Variants in CKAP5 observed in about 807,000 individuals in gnomAD.
The protein encoded by CKAP5 is cytoskeleton associated protein 5, also known as cytoskeleton-associated protein 5.
In CKAP5, 27 loss-of-function variants were observed where a neutral mutation model predicts 232.8. The observed-to-expected ratio is 0.12, with a 90% CI of 0.09 to 0.16. The LOEUF is 0.16. Among genes scored for constraint, CKAP5 ranks in the 10% least tolerant of loss-of-function variants. The pLI, the probability that CKAP5 is intolerant of heterozygous loss-of-function variation, is 1.00. For missense variants in CKAP5, 1,838 were observed against 2,424.7 expected (o/e 0.76, Z 5.08); for synonymous variants, 785 against 841.1 (o/e 0.93, Z 1.16).
rs1384147522 is a variant in CKAP5 at position 46,778,351 on chromosome 11, A to G, written c.2574-38T>C. On this transcript the variant is annotated intron_variant, in intron 21 of 43. Transcript: ENST00000529230. Reference sequence around the variant, plus strand: ...AAATAACCTTTAATTCCAGACTCCAAAAAAATGATGATATCACGTTAAGTT... The same window carrying G: ...AAATAACCTTTAATTCCAGACTCCAGAAAAATGATGATATCACGTTAAGTT... 3 of 1,604,712 alleles carry G rather than the reference A, an allele frequency of 1.9e-6. No homozygotes were observed. The Admixed American group carries it at 5.1e-5, about 27-fold the overall frequency.
intron 2 of CKAP5, among the ~76,000 whole-genome samples, chr11:46,819,940 A>C (rs1328586006): frequency 6.6e-6 from 1 of 152,128 alleles, no homozygotes; most frequent in East Asian, 1.9e-4. Flanking sequence ...AGTGTTCCCT[A>C]AACAGATTTA....
In CKAP5 at chr11:46,792,786, G is replaced by C. The variant is rs142858395; in HGVS notation, c.1651-2203C>G. On this transcript the variant is annotated intron_variant, in intron 13 of 43. Coordinates refer to ENST00000529230, the MANE Select transcript of CKAP5 (RefSeq NM_001008938.4). ...AACATGGAAGGGTTTAAAGAGGTAA[G>C]AGGCAAGTGGGTTACAGCAAGAAAA... 6.0e-3 allele frequency among the ~76,000 whole-genome samples: 912 copies of C among 152,252 alleles called. 7 individuals are homozygous for C. Among genetic ancestry groups the C allele is most frequent in the African/African-American group, 0.021 (878 of 41,534 alleles).
intron 11 of CKAP5, 26 bp from the exon 12 acceptor site, chr11:46,796,966 A>G (rs373067845): frequency 7.4e-5 from 119 of 1,611,726 alleles, no homozygotes; most frequent in Admixed American, 1.0e-4. Context: ...AAGCAAAATG[A>G]TATTAATGCA....
In CKAP5 at chr11:46,844,208, C is replaced by A. The variant is rs2134730494; in HGVS notation, c.-38+2012G>T. Among the ~76,000 whole-genome samples, 3 of 143,556 alleles carry A rather than the reference C, an allele frequency of 2.1e-5. No homozygotes were observed. The Middle Eastern group carries it at 0.011, about 509-fold the overall frequency. 94.2% of individuals were successfully genotyped at this position (143,556 alleles called of 152,430 possible). Reference sequence around the variant, plus strand: ...CTGCACTCTAGCCTGGGCGAAAGAGCAAGACTCTGTCTTAAAAAAAAAAAA... The same window carrying A: ...CTGCACTCTAGCCTGGGCGAAAGAGAAAGACTCTGTCTTAAAAAAAAAAAA... On this transcript the variant is annotated intron_variant, in intron 1 of 43. Transcript: ENST00000529230.
chr11:46,784,595 A>G lies in CKAP5; in HGVS notation c.2047T>C (p.Leu683=). Residue 683 remains leucine (L), a synonymous_variant, in exon 17 of 44, where the codon TTA becomes CTA. Transcript: ENST00000529230. The part of the protein sequence containing the change: ...NFSKTSAQVV[L]DGLVDKIGDV... ...CCAATCTTGTCCACAAGGCCATCTAATACAACCTGAGCTGACGTTTTGGAA... is the reference window on the plus strand; with the variant it reads ...CCAATCTTGTCCACAAGGCCATCTAGTACAACCTGAGCTGACGTTTTGGAA... The G allele has an allele frequency of 6.2e-7, 1 of 1,614,108 alleles. No individual in the cohort carries two copies. Among genetic ancestry groups the G allele is most frequent in the African/African-American group, 1.3e-5 (1 of 75,036 alleles).
At chr11:46,812,240 A>G (rs1939290113) in intron 4 of CKAP5, among the ~76,000 whole-genome samples, 2 of 152,268 alleles carry the variant, frequency 1.3e-5, no homozygotes, top group Admixed American at 6.5e-5. Flanking sequence ...CTGAGGTGGA[A>G]GAATCGCTTG....
intron 13 of CKAP5, among the ~76,000 whole-genome samples, chr11:46,792,252 T>G (rs1938746994): frequency 6.6e-6 from 1 of 152,186 alleles, no homozygotes; most frequent in Non-Finnish European, 1.5e-5. Flanking sequence ...TTTTATTTAT[T>G]AATTGACAGA....
chr11:46,823,296 T>C (rs1939585377), intron 1 of CKAP5, among the ~76,000 whole-genome samples: 1 of 152,150 alleles, frequency 6.6e-6, no homozygotes, highest in African/African-American at 2.4e-5. Flanking sequence ...GTGTGTAAAC[T>C]GCAGAAAATT....
chr11:46,839,209 G>A lies in CKAP5; in HGVS notation c.-38+7011C>T, dbSNP rs113899056. Reference sequence around the variant, plus strand: ...GAGCTCAGAAAAGTGTCTCTTTAAGGAGATGACATTTAAGTTGAAGCCTGA... The same window carrying A: ...GAGCTCAGAAAAGTGTCTCTTTAAGAAGATGACATTTAAGTTGAAGCCTGA... On this transcript the variant is annotated intron_variant, in intron 1 of 43. Transcript: ENST00000529230. Among the ~76,000 whole-genome samples, 789 of 152,312 alleles carry A rather than the reference G, an allele frequency of 5.2e-3. 10 individuals carry two copies. The highest frequency in any genetic ancestry group is 0.018 in the African/African-American group (738 of 41,556).
intron 13 of CKAP5, 126 bp from the exon 14 acceptor site, chr11:46,790,709 C>T: frequency 1.5e-6 from 1 of 646,044 alleles, no homozygotes; most frequent in Non-Finnish European, 2.6e-6. Flanking sequence ...GCTGCACAAG[C>T]TCAGCTTGCT....
intron 1 of CKAP5, among the ~76,000 whole-genome samples, chr11:46,833,639 CG>C (rs1939847455): frequency 1.3e-5 from 2 of 151,360 alleles, no homozygotes; most frequent in Admixed American, 6.6e-5. Context: ...CCACCATGCC[CG>C]GCTAATTTTT....
chr11:46,811,569 T>C (rs979494915), intron 4 of CKAP5, among the ~76,000 whole-genome samples: 9 of 152,184 alleles, frequency 5.9e-5, no homozygotes, highest in African/African-American at 2.2e-4. Context: ...CTCTGCCTCC[T>C]GAGTTCAGGT....
intron 42 of CKAP5, among the ~76,000 whole-genome samples, chr11:46,748,767 A>C (rs2065040803): frequency 6.6e-6 from 1 of 151,964 alleles, no homozygotes; most frequent in South Asian, 2.1e-4. Flanking sequence ...AGACTGTCTC[A>C]AAACAAAACA....
At chr11:46,761,880 T>C (rs1254333229) in intron 32 of CKAP5, 120 bp downstream of exon 32, 2 of 704,216 alleles carry the variant, frequency 2.8e-6, no homozygotes, top group African/African-American at 1.8e-5. Flanking sequence ...CATTGATAGG[T>C]TGAGTTGACT....
chr11:46,840,992 G>A (rs1360835462), intron 1 of CKAP5, among the ~76,000 whole-genome samples: 3 of 152,182 alleles, frequency 2.0e-5, no homozygotes, highest in Non-Finnish European at 4.4e-5. Context: ...GAATTGGCCA[G>A]GTGAGGTGGC....
At position 46,818,375 on chromosome 11, in the gene CKAP5, T is replaced by G. The variant is rs761420744; in HGVS notation, c.186A>C (p.Ala62=). The change falls in exon 3 of 44, where the codon GCA becomes GCC. Residue 62 remains alanine (A), a synonymous_variant. Coordinates refer to ENST00000529230, the MANE Select transcript of CKAP5 (RefSeq NM_001008938.4). The part of the protein sequence containing the change: ...LIKKFVTDSN[A]VVQLKGLEAA... ...CTTCTAATCCTTTCAATTGAACCAC[T>G]GCATTGGAATCAGTGACAAATTTTT... 1.5e-5 allele frequency: 24 copies of G among 1,612,386 alleles called. No homozygotes were observed. The highest frequency in any genetic ancestry group is 1.3e-5 in the Non-Finnish European group (15 of 1,179,384).
chr11:46,797,620 G>A (rs1938910103), intron 11 of CKAP5, among the ~76,000 whole-genome samples, 185 bp downstream of exon 11: 1 of 152,148 alleles, frequency 6.6e-6, no homozygotes, highest in Admixed American at 6.6e-5. Flanking sequence ...ACACTAACTT[G>A]TGCTTTCTTT....
intron 18 of CKAP5, among the ~76,000 whole-genome samples, chr11:46,782,810 ATAAAG>A (rs1270826657): frequency 6.6e-6 from 1 of 152,368 alleles, no homozygotes. Flanking sequence ...AGTACCTGGG[ATAAAG>A]TAAACTGTAT....
chr11:46,793,316 A>G (rs1212582717), intron 13 of CKAP5, among the ~76,000 whole-genome samples: 1 of 152,238 alleles, frequency 6.6e-6, no homozygotes, highest in Non-Finnish European at 1.5e-5. Context: ...CCCTAACTCC[A>G]TGCTGAGTGG....
Sources: allele counts gnomAD v4.1 joint callset (sites outside exome capture counted in the v4.1 genomes callset), GRCh38; gene constraint gnomAD v4.1.1; transcripts MANE v1.5; gene names NCBI Gene and HGNC (gene_info 2026-07-23, HGNC 2026-07-21).